The following GRK3 variants were observed in gnomAD, a reference collection of about 807,000 sequenced individuals.
GRK3 encodes the protein adrenergic, beta, receptor kinase 2.
A neutral mutation model predicts 95.7 loss-of-function variants in GRK3; 54 were observed. That is an observed-to-expected ratio of 0.56 (90% CI 0.45 to 0.71). GRK3 has a LOEUF of 0.71. Among genes scored for constraint, GRK3 ranks in the 30% least tolerant of loss-of-function variants. The pLI is 0.00. For missense variants in GRK3, 649 were observed against 851.2 expected (o/e 0.76, Z 2.96); for synonymous variants, 281 against 290.8 (o/e 0.97, Z 0.34).
intron 6 of GRK3, among the ~76,000 whole-genome samples, chr22:25,668,398 A>G (rs1336573958): frequency 1.3e-5 from 2 of 152,238 alleles, no homozygotes; most frequent in Non-Finnish European, 2.9e-5. Context: ...CAGCTTGGCT[A>G]ATTTCTAGAC....
intron 3 of GRK3, among the ~76,000 whole-genome samples, chr22:25,655,813 C>T (rs2084866897): frequency 6.6e-6 from 1 of 152,184 alleles, no homozygotes; most frequent in South Asian, 2.1e-4. Flanking sequence ...CTTCAGTTAC[C>T]TCATCTATAA....
chr22:25,679,093 A>G (rs1454224466), intron 9 of GRK3, among the ~76,000 whole-genome samples, 178 bp downstream of exon 9: 1 of 152,184 alleles, frequency 6.6e-6, no homozygotes. Context: ...CACCTCCATT[A>G]TGCACACCCA....
chr22:25,602,215 T>G (rs1350411283), intron 1 of GRK3, among the ~76,000 whole-genome samples: 3 of 152,234 alleles, frequency 2.0e-5, no homozygotes, highest in Non-Finnish European at 4.4e-5. Context: ...TGTACAAACA[T>G]GCTCAACGTC....
Position 25,663,684 on chromosome 22 carries a change from G to T in GRK3, c.421G>T (p.Val141Leu). 1 of 1,610,982 alleles carries T rather than the reference G, an allele frequency of 6.2e-7. No homozygotes were observed. Among genetic ancestry groups the T allele is most frequent in the East Asian group, 2.2e-5 (1 of 44,758 alleles). The change falls in exon 5 of 21, where the codon GTG (valine) becomes TTG (leucine). Residue 141 changes from valine (V) to leucine (L), a missense_variant. Val to Leu is a conservative substitution (Grantham distance 32). Around this residue, in one of 3 missense-constraint regions of GRK3, gnomAD observed 206 missense variants for 231.4 expected, o/e 0.89. Coordinates refer to ENST00000324198, the MANE Select transcript of GRK3 (RefSeq NM_005160.4). ...ACAAAGTCATTTATCCAAGAAACAA[G>T]TGACATCAACTCTTTTTCAGGTAAG... is the stretch of plus-strand genomic sequence containing the variant. ...HVQSHLSKKQ[V>L]TSTLFQPYIE...
intron 2 of GRK3, among the ~76,000 whole-genome samples, chr22:25,608,850 C>T (rs142213572): frequency 0.013 from 1,928 of 152,290 alleles, 26 homozygotes; most frequent in Middle Eastern, 0.065. Flanking sequence ...TGAGATGATA[C>T]GTGGGTGTTG....
intron 2 of GRK3, among the ~76,000 whole-genome samples, chr22:25,637,658 A>G (rs1601491774): frequency 6.6e-6 from 1 of 152,318 alleles, no homozygotes; most frequent in African/African-American, 2.4e-5. Flanking sequence ...CTTTCAAGCT[A>G]TTTTCCTAAG....
intron 13 of GRK3, among the ~76,000 whole-genome samples, chr22:25,695,908 A>G (rs925521401): frequency 4.8e-5 from 7 of 145,072 alleles, no homozygotes; most frequent in African/African-American, 1.8e-4. Flanking sequence ...ATCTCTGCTC[A>G]CTGCAAGCTC....
intron 2 of GRK3, among the ~76,000 whole-genome samples, chr22:25,620,007 TGTGTG>T (rs1569166749): frequency 1.7e-4 from 6 of 34,536 alleles, no homozygotes; most frequent in Non-Finnish European, 1.2e-4. Flanking sequence ...TTGTCTTTTT[TGTGTG>T]TGTGTGTGTG....
At chr22:25,709,817 G>T (rs893527712) in intron 15 of GRK3, 81 bp from the exon 16 acceptor site, 2 of 1,019,860 alleles carry the variant, frequency 2.0e-6, no homozygotes, top group African/African-American at 1.6e-5. Flanking sequence ...CCCCTGTATT[G>T]TTAACAGGAG....
At chr22:25,701,796 C>T (rs770564854) in intron 13 of GRK3, among the ~76,000 whole-genome samples, 12 of 152,136 alleles carry the variant, frequency 7.9e-5, no homozygotes, top group Non-Finnish European at 1.5e-4. Flanking sequence ...CGGGTGGAAA[C>T]AGCTAAGTGT....
chr22:25,617,029 G>A (rs2084544883), intron 2 of GRK3, among the ~76,000 whole-genome samples: 1 of 152,146 alleles, frequency 6.6e-6, no homozygotes, highest in Non-Finnish European at 1.5e-5. Flanking sequence ...AATCAGGAGT[G>A]AAATCCCAGC....
chr22:25,575,636 TA>T (rs1167876793), intron 1 of GRK3, among the ~76,000 whole-genome samples: 2 of 152,342 alleles, frequency 1.3e-5, no homozygotes, highest in East Asian at 1.9e-4. Context: ...ATTTAGAGTT[TA>T]AAAAAACCCC....
In GRK3 at chr22:25,573,344, G is replaced by C. The variant is rs1055523225; in HGVS notation, c.113+8191G>C. On this transcript the variant is annotated intron_variant, in intron 1 of 20. Coordinates refer to ENST00000324198, the MANE Select transcript of GRK3 (RefSeq NM_005160.4). ...AATTCTATTTCAAGTGTGTGATTGAGTCCCTCTGAAGTTCCATTTTAGGAT... is the reference window on the plus strand; with the variant it reads ...AATTCTATTTCAAGTGTGTGATTGACTCCCTCTGAAGTTCCATTTTAGGAT... 3.3e-5 allele frequency among the ~76,000 whole-genome samples: 5 copies of C among 152,306 alleles called. No homozygotes were observed. The South Asian group carries it at 1.0e-3, about 32-fold the overall frequency.
At chr22:25,624,961 G>A (rs2084616227) in intron 2 of GRK3, among the ~76,000 whole-genome samples, 1 of 149,340 alleles carries the variant, frequency 6.7e-6, no homozygotes, top group African/African-American at 2.5e-5. Context: ...CTGTCTCCCA[G>A]GCTGGAGTGC....
rs181383356 is a variant in GRK3 at position 25,647,877 on chromosome 22, G to A, written c.264+3212G>A. The A allele has an allele frequency of 3.7e-3, 2,386 of 637,582 alleles. 41 individuals are homozygous for A. The highest frequency in any genetic ancestry group is 0.025 in the South Asian group (1,621 of 64,064). 39.5% of individuals were successfully genotyped at this position (637,582 alleles called of 1,614,324 possible). ...TGTAATCCCAGCACTTTGGGAGGCC[G>A]AGTTGGGCGGATCACCTGAGGTCAG... On this transcript the variant is annotated intron_variant, in intron 3 of 20. Transcript: ENST00000324198.
chr22:25,716,585 T>G (rs1489486450), intron 18 of GRK3, among the ~76,000 whole-genome samples: 1 of 152,108 alleles, frequency 6.6e-6, no homozygotes, highest in Admixed American at 6.5e-5. Flanking sequence ...GAGGTCACCT[T>G]TATAGAAAAA....
At chr22:25,692,341 T>A (rs1601530713) in intron 12 of GRK3, among the ~76,000 whole-genome samples, 1 of 152,172 alleles carries the variant, frequency 6.6e-6, no homozygotes, top group Non-Finnish European at 1.5e-5. Flanking sequence ...CAGATCTGGG[T>A]TTGGGTTCTT....
At chr22:25,687,098 G>A (rs1031480762) in intron 10 of GRK3, among the ~76,000 whole-genome samples, 1 of 151,208 alleles carries the variant, frequency 6.6e-6, no homozygotes, top group African/African-American at 2.4e-5. Context: ...GGGATTATAG[G>A]CATGAGCCAC....
chr22:25,649,610 A>C (rs1442733835), intron 3 of GRK3, among the ~76,000 whole-genome samples: 2 of 152,244 alleles, frequency 1.3e-5, no homozygotes, highest in Non-Finnish European at 2.9e-5. Flanking sequence ...TTGAGTGATA[A>C]AAAGCTATAC....
Sources: allele counts gnomAD v4.1 joint callset (sites outside exome capture counted in the v4.1 genomes callset), GRCh38; gene constraint gnomAD v4.1.1; regional missense constraint gnomAD v4.1.1; transcripts MANE v1.5; gene names NCBI Gene and HGNC (gene_info 2026-07-23, HGNC 2026-07-21).